Variants in MAGI2 observed in about 807,000 individuals in gnomAD.
The protein encoded by MAGI2 is membrane associated guanylate kinase, WW and PDZ domain containing 2.
A neutral mutation model predicts 133.3 loss-of-function variants in MAGI2; 35 were observed. The observed-to-expected ratio is 0.26, with a 90% confidence interval of 0.20 to 0.35. MAGI2 has a LOEUF of 0.35. Among genes scored for constraint, MAGI2 ranks in the 10% least tolerant of loss-of-function variants. The pLI, the probability that MAGI2 is intolerant of heterozygous loss-of-function variation, is 1.00. For synonymous variants in MAGI2, 729 were observed against 710.6 expected, an observed-to-expected ratio of 1.03 and a Z score of -0.41; for missense variants, 1,636 against 1,863.4, an observed-to-expected ratio of 0.88 and a Z score of 2.25.
intron 1 of MAGI2, among the ~76,000 whole-genome samples, chr7:79,162,336 G>A (rs775029956): frequency 2.0e-5 from 3 of 151,984 alleles, no homozygotes; most frequent in Non-Finnish European, 4.4e-5. Context: ...CCAGAGATAG[G>A]AATCTGCCTT....
At chr7:78,677,724 T>C (rs1041938430) in intron 2 of MAGI2, among the ~76,000 whole-genome samples, 2 of 152,118 alleles carry the variant, frequency 1.3e-5, no homozygotes, top group East Asian at 3.9e-4. Context: ...CTCTTTGGCA[T>C]TTATTACATA....
chr7:79,421,355 C>T (rs1041911246), intron 1 of MAGI2, among the ~76,000 whole-genome samples: 24 of 151,932 alleles, frequency 1.6e-4, no homozygotes, highest in African/African-American at 5.1e-4. Flanking sequence ...ATATTACTCA[C>T]ATTTTATTAT....
intron 1 of MAGI2, among the ~76,000 whole-genome samples, chr7:79,335,866 T>C (rs1840403609): frequency 6.6e-6 from 1 of 152,084 alleles, no homozygotes; most frequent in African/African-American, 2.4e-5. Context: ...ACTTTTACTT[T>C]CTCTTCTGCA....
chr7:78,953,082 C>T (rs1277474179), intron 2 of MAGI2, among the ~76,000 whole-genome samples: 1 of 152,128 alleles, frequency 6.6e-6, no homozygotes, highest in African/African-American at 2.4e-5. Flanking sequence ...GTTGAAGAAC[C>T]TCTGGAGTAG....
intron 1 of MAGI2, among the ~76,000 whole-genome samples, chr7:79,054,925 G>A (rs139319981): frequency 0.018 from 2,759 of 152,178 alleles, 99 homozygotes; most frequent in East Asian, 0.16. Flanking sequence ...CAAGTAGCTG[G>A]GATTACAGGC....
At chr7:78,896,004 T>C (rs1180238679) in intron 2 of MAGI2, among the ~76,000 whole-genome samples, 2 of 152,192 alleles carry the variant, frequency 1.3e-5, no homozygotes, top group Non-Finnish European at 2.9e-5. Context: ...TCTTATGTTT[T>C]AAACTTAAAA....
At chr7:78,782,405 T>C (rs1033762905) in intron 2 of MAGI2, among the ~76,000 whole-genome samples, 1 of 152,102 alleles carries the variant, frequency 6.6e-6, no homozygotes, top group South Asian at 2.1e-4. Flanking sequence ...GGTGAGTCCT[T>C]TGATAAAGGA....
chr7:79,190,937 T>A (rs1384841778), intron 1 of MAGI2, among the ~76,000 whole-genome samples: 4 of 151,852 alleles, frequency 2.6e-5, no homozygotes, highest in African/African-American at 9.7e-5. Flanking sequence ...AGATATAAAT[T>A]TTCTCTATTG....
At chr7:78,334,065 GA>G (rs1476158752) in intron 9 of MAGI2, among the ~76,000 whole-genome samples, 1 of 152,200 alleles carries the variant, frequency 6.6e-6, no homozygotes, top group African/African-American at 2.4e-5. Context: ...AAACAAGCCA[GA>G]AAACATTTTC....
At chr7:79,332,024 C>T (rs1356117311) in intron 1 of MAGI2, among the ~76,000 whole-genome samples, 1 of 151,896 alleles carries the variant, frequency 6.6e-6, no homozygotes, top group Non-Finnish European at 1.5e-5. Context: ...CATTTTTGAG[C>T]ACTTTATATG....
chr7:78,843,890 A>G (rs1213263289), intron 2 of MAGI2, among the ~76,000 whole-genome samples: 1 of 150,760 alleles, frequency 6.6e-6, no homozygotes, highest in Non-Finnish European at 1.5e-5. Flanking sequence ...TTCTATGTAA[A>G]AAATGCAGAT....
intron 2 of MAGI2, among the ~76,000 whole-genome samples, chr7:78,688,938 A>T (rs1282764103): frequency 1.3e-5 from 2 of 152,194 alleles, no homozygotes; most frequent in African/African-American, 4.8e-5. Flanking sequence ...ATAGAAGTCT[A>T]TGAAAATATA....
chr7:78,294,096 C>G (rs188133016), intron 9 of MAGI2, among the ~76,000 whole-genome samples: 27 of 152,034 alleles, frequency 1.8e-4, no homozygotes, highest in Admixed American at 8.5e-4. Flanking sequence ...ATATATAATT[C>G]TTTAGGAAAT....
At chr7:78,165,463 T>C (rs1825531294) in intron 15 of MAGI2, among the ~76,000 whole-genome samples, 1 of 152,222 alleles carries the variant, frequency 6.6e-6, no homozygotes, top group Middle Eastern at 3.2e-3. Flanking sequence ...GTGTTCTCTT[T>C]CTTGAGCATC....
chr7:78,809,870 G>A (rs117847237), intron 2 of MAGI2, among the ~76,000 whole-genome samples: 2,539 of 152,230 alleles, frequency 0.017, 35 homozygotes, highest in Non-Finnish European at 0.023. Flanking sequence ...AATCTAAAAA[G>A]TAAGTAATTG....
intron 2 of MAGI2, among the ~76,000 whole-genome samples, chr7:78,854,161 A>T (rs904972147): frequency 1.3e-5 from 2 of 152,176 alleles, no homozygotes; most frequent in African/African-American, 4.8e-5. Flanking sequence ...AATTTGCTTC[A>T]TGGAAACTAT....
At chr7:78,882,115 A>AAAAG (rs1795918398) in intron 2 of MAGI2, among the ~76,000 whole-genome samples, 2 of 93,732 alleles carry the variant, frequency 2.1e-5, no homozygotes, top group Non-Finnish European at 4.9e-5. Context: ...AAAAGAAAAG[A>AAAAG]AAAACAAAAA....
At position 78,521,519 on chromosome 7, in the gene MAGI2, C is replaced by T. The variant is rs1163607531; in HGVS notation, c.665G>A (p.Ser222Asn). The change falls in exon 4 of 22, where the codon AGC becomes AAC. Residue 222 changes from serine to asparagine, a missense_variant. By Grantham distance (46) the Ser-to-Asn change is conservative. This residue lies in a region of MAGI2 where 165 missense variants were observed against 128.4 expected (regional missense o/e 1.28). Coordinates refer to ENST00000354212, the MANE Select transcript of MAGI2 (RefSeq NM_012301.4). Reference protein sequence around the residue: ...EGKRKRNKSVSNMEKASIEPP... With the variant: ...EGKRKRNKSVNNMEKASIEPP... ...CTCTATACTGGCTTTCTCCATGTTG[C>T]TCACTGATTTATTCCTCTTCCGTTT... The T allele has an allele frequency of 6.2e-7, 1 of 1,614,120 alleles. No individual in the cohort carries two copies. Among genetic ancestry groups the T allele is most frequent in the Admixed American group, 1.7e-5 (1 of 60,020 alleles).
At chr7:78,593,316 C>T (rs536657878) in intron 3 of MAGI2, among the ~76,000 whole-genome samples, 8 of 151,922 alleles carry the variant, frequency 5.3e-5, no homozygotes, top group South Asian at 2.1e-4. Context: ...GGCGTGAACC[C>T]GGGAGGCGGA....
Sources: allele counts gnomAD v4.1 joint callset (sites outside exome capture counted in the v4.1 genomes callset), GRCh38; gene constraint gnomAD v4.1.1; regional missense constraint gnomAD v4.1.1; transcripts MANE v1.5; gene names NCBI Gene and HGNC (gene_info 2026-07-23, HGNC 2026-07-21).